Variants in LRBA observed in about 807,000 individuals in gnomAD.
The protein encoded by LRBA is lipopolysaccharide-responsive and beige-like anchor protein.
A neutral mutation model predicts 330.0 loss-of-function variants in LRBA; 176 were observed. That is an observed-to-expected ratio of 0.53 (90% CI 0.47 to 0.60). LRBA has a LOEUF of 0.60. Ranked by LOEUF, LRBA falls within the 20% of genes least tolerant of loss-of-function variation. The pLI, the probability that LRBA is intolerant of heterozygous loss-of-function variation, is 0.00. For synonymous variants in LRBA, 1,230 were observed against 1,193.0 expected, an observed-to-expected ratio of 1.03 and a Z score of -0.64; for missense variants, 3,259 against 3,444.8, an observed-to-expected ratio of 0.95 and a Z score of 1.35.
At chr4:150,593,687 A>G (rs1773157615) in intron 38 of LRBA, among the ~76,000 whole-genome samples, 1 of 152,196 alleles carries the variant, frequency 6.6e-6, no homozygotes, top group Non-Finnish European at 1.5e-5. Flanking sequence ...CAAATCTAAA[A>G]TTGATGAACA....
intron 2 of LRBA, among the ~76,000 whole-genome samples, chr4:150,966,843 C>T (rs1738957589): frequency 6.6e-6 from 1 of 152,056 alleles, no homozygotes; most frequent in African/African-American, 2.4e-5. Context: ...AATGGAAGTT[C>T]AAAAAATAGG....
chr4:150,589,072 CAG>C (rs368551241), intron 39 of LRBA, among the ~76,000 whole-genome samples: 3,360 of 148,194 alleles, frequency 0.023, 44 homozygotes, highest in Middle Eastern at 0.042. Context: ...CACACACACA[CAG>C]AGAGAGAGAG....
At position 150,829,807 on chromosome 4, in the gene LRBA, C is replaced by A. The variant is rs538642288; in HGVS notation, c.4730-1186G>T. Among the ~76,000 whole-genome samples the A allele has an allele frequency of 2.8e-3, 291 of 103,624 alleles. 3 individuals are homozygous for A. Among genetic ancestry groups the A allele is most frequent in the African/African-American group, 9.6e-3 (279 of 28,936 alleles). The allele number at this position is 103,624 out of a possible 152,430, so 68.0% of individuals were successfully genotyped here. On this transcript the variant is annotated intron_variant, in intron 29 of 56. Transcript: ENST00000651943. The stretch of plus-strand genomic sequence containing the variant: ...ACTATTAAATATAACTGCTACCCTA[C>A]AACTTATCTTACATGTCTAAAAAAA...
chr4:150,941,065 C>G (rs1351570516), intron 2 of LRBA, among the ~76,000 whole-genome samples: 1 of 152,012 alleles, frequency 6.6e-6, no homozygotes, highest in African/African-American at 2.4e-5. Context: ...GGGGCTTTAT[C>G]TGAGAGACTC....
intron 37 of LRBA, among the ~76,000 whole-genome samples, chr4:150,652,288 T>C (rs186748203): frequency 1.6e-4 from 25 of 152,286 alleles, no homozygotes; most frequent in Admixed American, 1.6e-3. Context: ...CAAATCAGGA[T>C]CCAAGGTCCA....
At chr4:150,803,075 A>T (rs28438995) in intron 33 of LRBA, among the ~76,000 whole-genome samples, 40,776 of 129,402 alleles carry the variant, frequency 0.32, 6,133 homozygotes, top group Non-Finnish European at 0.33. Context: ...ACAAAAAAAA[A>T]ATATATATAC....
intron 37 of LRBA, among the ~76,000 whole-genome samples, chr4:150,648,171 A>AAAAAAAAAAAAAAAAAAAAAAAAAAAAC (rs1351965231): frequency 6.9e-6 from 1 of 144,690 alleles, no homozygotes; most frequent in East Asian, 2.0e-4. Flanking sequence ...AAAAAAAAAA[A>AAAAAAAAAAAAAAAAAAAAAAAAAAAAC]AAAAAACTAG....
At chr4:150,442,800 A>G (rs1752006393) in intron 44 of LRBA, among the ~76,000 whole-genome samples, 2 of 152,202 alleles carry the variant, frequency 1.3e-5, no homozygotes, top group South Asian at 2.1e-4. Context: ...ATATGTTAAC[A>G]TATTAAGTAA....
At chr4:150,921,949 C>A (rs1163771015) in intron 4 of LRBA, among the ~76,000 whole-genome samples, 1 of 152,168 alleles carries the variant, frequency 6.6e-6, no homozygotes, top group Non-Finnish European at 1.5e-5. Context: ...TGGTCTCGAA[C>A]CAACCTCAGG....
At chr4:150,294,313 T>C (rs1285636193) in intron 53 of LRBA, among the ~76,000 whole-genome samples, 2 of 152,220 alleles carry the variant, frequency 1.3e-5, no homozygotes, top group Non-Finnish European at 2.9e-5. Flanking sequence ...AATGCTTTAG[T>C]GATAGGATTG....
chr4:150,675,290 T>A (rs1782432423), intron 37 of LRBA, among the ~76,000 whole-genome samples: 1 of 152,222 alleles, frequency 6.6e-6, no homozygotes, highest in African/African-American at 2.4e-5. Flanking sequence ...AACTACTCAA[T>A]ATACTAGCCT....
chr4:150,637,904 A>G (rs1430610211), intron 37 of LRBA, among the ~76,000 whole-genome samples: 1 of 152,158 alleles, frequency 6.6e-6, no homozygotes, highest in African/African-American at 2.4e-5. Flanking sequence ...TAACAAAGCA[A>G]CAGATTACTA....
At chr4:150,632,514 G>A (rs1044776263) in intron 37 of LRBA, among the ~76,000 whole-genome samples, 1 of 152,124 alleles carries the variant, frequency 6.6e-6, no homozygotes, top group South Asian at 2.1e-4. Flanking sequence ...GAACAAAAGA[G>A]AACTAGAAGC....
At chr4:150,573,511 G>A (rs1230879944) in intron 40 of LRBA, among the ~76,000 whole-genome samples, 2 of 152,252 alleles carry the variant, frequency 1.3e-5, no homozygotes, top group East Asian at 3.9e-4. Context: ...CTATTTTAGA[G>A]AGACTATATA....
chr4:150,531,461 T>C (rs968915148), intron 40 of LRBA, among the ~76,000 whole-genome samples: 2 of 152,178 alleles, frequency 1.3e-5, no homozygotes, highest in African/African-American at 2.4e-5. Context: ...AGAGACATTA[T>C]TGCTTTCCTT....
At chr4:150,589,072 C>CAGAGAGAGAG (rs368551241) in intron 39 of LRBA, among the ~76,000 whole-genome samples, 1 of 148,744 alleles carries the variant, frequency 6.7e-6, no homozygotes, top group African/African-American at 2.5e-5. Context: ...CACACACACA[C>CAGAGAGAGAG]AGAGAGAGAG....
At chr4:150,981,410 CAAAAAA>C (rs58638225) in intron 2 of LRBA, among the ~76,000 whole-genome samples, 1 of 106,436 alleles carries the variant, frequency 9.4e-6, no homozygotes, top group African/African-American at 3.6e-5. Flanking sequence ...GAGACTGTCT[CAAAAAA>C]AAAAAAAAAA....
At position 150,768,550 on chromosome 4, in the gene LRBA, T is replaced by C. The variant is rs574382439; in HGVS notation, c.5581-6703A>G. On this transcript the variant is annotated intron_variant, in intron 34 of 56. Transcript: ENST00000651943. ...AATTGAAAGTATACAAACTGGACTATGACATTGTGAGTGATATTTGAAAAC... is the reference window on the plus strand; with the variant it reads ...AATTGAAAGTATACAAACTGGACTACGACATTGTGAGTGATATTTGAAAAC... Among the ~76,000 whole-genome samples, 13 of 152,330 alleles carry C rather than the reference T, an allele frequency of 8.5e-5. No individual in the cohort carries two copies. In the South Asian group the frequency reaches 1.7e-3, roughly 19 times the overall value.
At chr4:150,374,692 G>A (rs943610932) in intron 47 of LRBA, among the ~76,000 whole-genome samples, 16 of 152,270 alleles carry the variant, frequency 1.1e-4, no homozygotes, top group African/African-American at 3.6e-4. Flanking sequence ...ATGCTCAACC[G>A]TAAGTATAGT....
Sources: allele counts gnomAD v4.1 joint callset (sites outside exome capture counted in the v4.1 genomes callset), GRCh38; gene constraint gnomAD v4.1.1; transcripts MANE v1.5; gene names NCBI Gene and HGNC (gene_info 2026-07-23, HGNC 2026-07-21).